Variants in DZANK1 observed in about 807,000 individuals in gnomAD.
The protein encoded by DZANK1 is double zinc ribbon and ankyrin repeat domains 1.
A neutral mutation model predicts 94.5 loss-of-function variants in DZANK1; 91 were observed. The ratio of observed to expected loss-of-function variants is 0.96; its 90% confidence interval spans 0.81 to 1.15. The LOEUF (loss-of-function observed/expected upper bound fraction) is 1.15. DZANK1 is among the 50% of genes most tolerant of loss of function. The pLI is 0.00. For missense variants in DZANK1, 903 were observed against 916.4 expected (o/e 0.99, Z 0.19); for synonymous variants, 312 against 325.3 (o/e 0.96, Z 0.44).
At chr20:18,451,164 T>A (rs2059087546) in intron 6 of DZANK1, among the ~76,000 whole-genome samples, 1 of 152,162 alleles carries the variant, frequency 6.6e-6, no homozygotes, top group African/African-American at 2.4e-5. Flanking sequence ...CAGGCTGGTC[T>A]CGAACTCCTG....
chr20:18,396,543 T>G (rs560809093), exon 15 of DZANK1: 65 of 1,612,574 alleles, frequency 4.0e-5, no homozygotes, highest in Middle Eastern at 1.7e-4. Flanking sequence ...GTAGCAGAGA[T>G]AAGCTTTTAA....
intron 2 of DZANK1, among the ~76,000 whole-genome samples, chr20:18,464,198 C>T (rs1228357120): frequency 1.3e-5 from 2 of 151,750 alleles, no homozygotes; most frequent in African/African-American, 2.4e-5. Context: ...CTCAGCCTCC[C>T]GAGTAGCTGG....
intron 8 of DZANK1, among the ~76,000 whole-genome samples, chr20:18,438,633 T>C (rs962596163): frequency 3.9e-5 from 6 of 152,222 alleles, no homozygotes; most frequent in African/African-American, 9.6e-5. Context: ...GTCAGGAAGA[T>C]AGAACAATTA....
At chr20:18,392,128 G>GA (rs551161015) in intron 17 of DZANK1, among the ~76,000 whole-genome samples, 10 of 151,586 alleles carry the variant, frequency 6.6e-5, no homozygotes, top group Admixed American at 3.3e-4. Context: ...GTGCAAATGA[G>GA]AAAAAAAAGC....
chr20:18,451,757 C>G, intron 6 of DZANK1: 1 of 419,652 alleles, frequency 2.4e-6, no homozygotes, highest in Admixed American at 2.9e-5. Flanking sequence ...AGACTTGGCT[C>G]CTCCCCTTCC....
rs560925801 is a variant in DZANK1 at position 18,392,297 on chromosome 20, T to G, written c.1809+1414A>C. Among the ~76,000 whole-genome samples, 39 of 152,282 alleles carry G rather than the reference T, an allele frequency of 2.6e-4. 2 individuals carry two copies. Among genetic ancestry groups the G allele is most frequent in the African/African-American group, 8.4e-4 (35 of 41,538 alleles). The stretch of plus-strand genomic sequence containing the variant: ...TACAAGAAATCCTAAAATACAAAAG[T>G]TGAAACAATTCTAACATATTCTTTC... On this transcript the variant is annotated intron_variant, in intron 17 of 20. Transcript: ENST00000262547.
At chr20:18,435,939 C>T (rs1402609035) in intron 8 of DZANK1, among the ~76,000 whole-genome samples, 6 of 152,208 alleles carry the variant, frequency 3.9e-5, no homozygotes, top group Middle Eastern at 3.4e-3. Flanking sequence ...AAAACAACAA[C>T]CCTCGGGGAA....
At chr20:18,447,961 CATA>C (rs1327692162) in intron 7 of DZANK1, among the ~76,000 whole-genome samples, 1 of 152,096 alleles carries the variant, frequency 6.6e-6, no homozygotes, top group East Asian at 1.9e-4. Flanking sequence ...AACGTGTATA[CATA>C]ATGACTTTGG....
intron 10 of DZANK1, among the ~76,000 whole-genome samples, chr20:18,417,636 C>G (rs145297888): frequency 3.3e-5 from 5 of 152,250 alleles, no homozygotes; most frequent in Non-Finnish European, 7.4e-5. Context: ...AAATTCAACA[C>G]CTCATTAGTT....
At chr20:18,451,492 T>G (rs991681124) in intron 6 of DZANK1, among the ~76,000 whole-genome samples, 2 of 152,150 alleles carry the variant, frequency 1.3e-5, no homozygotes, top group Non-Finnish European at 2.9e-5. Context: ...CTCTTCACTT[T>G]CTGTTCAGCC....
At chr20:18,390,150 T>C (rs2055879547) in intron 18 of DZANK1, among the ~76,000 whole-genome samples, 1 of 152,248 alleles carries the variant, frequency 6.6e-6, no homozygotes, top group Non-Finnish European at 1.5e-5. Flanking sequence ...GCTTCATGCA[T>C]GTTCCTTGGT....
In DZANK1 at chr20:18,412,860, G is replaced by A. The variant is rs146951623; in HGVS notation, c.1243-25C>T. 4.4e-3 allele frequency: 7,128 copies of A among 1,610,374 alleles called. 21 individuals are homozygous for A. The highest frequency in any genetic ancestry group is 5.4e-3 in the Non-Finnish European group (6,316 of 1,177,324). The stretch of plus-strand genomic sequence containing the variant: ...ACTGCCAGGCACATCGGGGCCATGC[G>A]TGAGGCAGAAGACATTTTTAAAATT... On this transcript the variant is annotated intron_variant, in intron 12 of 20. Coordinates refer to ENST00000262547, the Ensembl canonical transcript of DZANK1.
chr20:18,451,962 C>A, intron 6 of DZANK1: 1 of 517,386 alleles, frequency 1.9e-6, no homozygotes. Flanking sequence ...CTGTGTCTTG[C>A]CTGCCAAACA....
At chr20:18,406,973 G>A (rs1210573355) in intron 13 of DZANK1, among the ~76,000 whole-genome samples, 1 of 152,162 alleles carries the variant, frequency 6.6e-6, no homozygotes, top group Non-Finnish European at 1.5e-5. Context: ...TCCTCTGCCT[G>A]TGGAAAGGGG....
At chr20:18,432,365 C>A (rs2094864977) in intron 9 of DZANK1, 1 of 152,292 alleles carries the variant, frequency 6.6e-6, no homozygotes, top group African/African-American at 2.4e-5. Flanking sequence ...AAATAGATTT[C>A]TCTCTCCCAT....
rs750619967 is a variant in DZANK1, at chr20:18,448,983, C to G, written c.629+1G>C. 1.2e-6 allele frequency: 2 copies of G among 1,602,580 alleles called. No individual in the cohort carries two copies. The highest frequency in any genetic ancestry group is 4.5e-5 in the East Asian group (2 of 44,262). On this transcript the variant is annotated splice_donor_variant, in intron 7 of 20. Transcript: ENST00000262547. LOFTEE classifies it high-confidence loss of function. Reference sequence around the variant, plus strand: ...CAGAGTAAAGAGAATGTGATACTTACTTGAGAAAGTCTGTCTCCCTTTGAA... The same window carrying G: ...CAGAGTAAAGAGAATGTGATACTTAGTTGAGAAAGTCTGTCTCCCTTTGAA...
chr20:18,416,339 G>A (rs1351401422), intron 10 of DZANK1, among the ~76,000 whole-genome samples: 1 of 152,166 alleles, frequency 6.6e-6, no homozygotes, highest in Non-Finnish European at 1.5e-5. Context: ...ACAGGGCCAA[G>A]CTCCACCGGC....
chr20:18,412,528 G>T, intron 13 of DZANK1, 118 bp downstream of exon 13: 1 of 1,070,998 alleles, frequency 9.3e-7, no homozygotes, highest in Non-Finnish European at 1.4e-6. Context: ...AAGAGGAAAA[G>T]AAAGAAACTT....
chr20:18,412,900 T>C (rs772275268), intron 12 of DZANK1, 47 bp from the exon 13 acceptor site: 76 of 1,496,188 alleles, frequency 5.1e-5, no homozygotes, highest in Non-Finnish European at 6.4e-5. Flanking sequence ...TATAATTTAA[T>C]CAATCTTGCA....
Sources: gnomAD v4.1 joint callset for allele counts (sites outside exome capture counted in the v4.1 genomes callset) on GRCh38, gnomAD v4.1.1 for gene constraint, MANE v1.5 for transcripts, NCBI Gene and HGNC (gene_info 2026-07-23, HGNC 2026-07-21) for gene names.